CLIP1: variants seen among roughly 807,000 people sequenced by gnomAD.
CLIP1 encodes the protein CAP-Gly domain containing linker protein 1.
Under a neutral mutation model 161.6 loss-of-function variants are expected in CLIP1, and 66 were observed. The ratio of observed to expected loss-of-function variants is 0.41; its 90% CI spans 0.33 to 0.50. The LOEUF (loss-of-function observed/expected upper bound fraction) is 0.50. Ranked by LOEUF, CLIP1 falls within the 20% of genes least tolerant of loss-of-function variation. The pLI, the probability that CLIP1 is intolerant of heterozygous loss-of-function variation, is 0.27. For synonymous variants in CLIP1, 598 were observed against 626.2 expected (o/e 0.96, Z 0.67); for missense variants, 1,376 against 1,702.0 (o/e 0.81, Z 3.37).
intron 1 of CLIP1, 81 bp downstream of exon 1, chr12:122,422,440 G>A (rs1311000707): frequency 6.6e-6 from 1 of 151,580 alleles, no homozygotes; most frequent in Non-Finnish European, 1.5e-5. Flanking sequence ...CCGACCCTGG[G>A]CGGGCCCCGC....
intron 9 of CLIP1, among the ~76,000 whole-genome samples, chr12:122,348,303 C>G (rs1444400810): frequency 6.6e-6 from 1 of 152,130 alleles, no homozygotes. Context: ...TCTATAGTCT[C>G]CATCTCTGAA....
At position 122,294,442 on chromosome 12, in the gene CLIP1, G is replaced by A. The variant is rs141796499; in HGVS notation, c.3595-5901C>T. Among the ~76,000 whole-genome samples, 377 of 151,162 alleles carry A rather than the reference G, an allele frequency of 2.5e-3. 2 individuals carry two copies. The highest frequency in any genetic ancestry group is 1.4e-3 in the Non-Finnish European group (93 of 67,862). On this transcript the variant is annotated intron_variant, in intron 20 of 25. Transcript: ENST00000620786. The stretch of plus-strand genomic sequence containing the variant: ...GCTGATATACATAACAACATGGATA[G>A]ACCTCCAAAGGAATATGCTAAGTGA...
At chr12:122,275,644 G>GCGTGCA (rs773370301) in intron 24 of CLIP1, 2 of 147,538 alleles carry the variant, frequency 1.4e-5, no homozygotes, top group East Asian at 3.9e-4. Context: ...ACACACACGC[G>GCGTGCA]CACACACACA....
At chr12:122,300,357 G>C (rs919745168) in intron 20 of CLIP1, among the ~76,000 whole-genome samples, 1 of 150,842 alleles carries the variant, frequency 6.6e-6, no homozygotes, top group African/African-American at 2.4e-5. Flanking sequence ...ACAGAGAGGG[G>C]GAAAAAAGCA....
intron 21 of CLIP1, among the ~76,000 whole-genome samples, chr12:122,281,561 C>A (rs1245031060): frequency 2.6e-5 from 4 of 151,740 alleles, no homozygotes; most frequent in Non-Finnish European, 5.9e-5. Flanking sequence ...CTAGGCATGG[C>A]AGCGCATGCT....
chr12:122,362,691 A>T lies in CLIP1; in HGVS notation c.782+1292T>A, dbSNP rs28485674. Among the ~76,000 whole-genome samples the T allele has an allele frequency of 7.5e-5, 8 of 106,952 alleles. No individual in the cohort carries two copies. The South Asian group carries it at 1.0e-3, about 14-fold the overall frequency. 70.2% of individuals were successfully genotyped at this position (106,952 alleles called of 152,430 possible). On this transcript the variant is annotated intron_variant, in intron 4 of 25. Coordinates refer to ENST00000620786, the MANE Select transcript of CLIP1 (RefSeq NM_001247997.2). ...AAAAAGTTCATTGAAAATTTTTAAT[A>T]TCTGTTTCAATAAAAATATGATAAA...
chr12:122,275,642 G>GCA (rs1391112059), intron 24 of CLIP1: 4,861 of 110,014 alleles, frequency 0.044, 103 homozygotes, highest in Non-Finnish European at 0.063. Flanking sequence ...ACACACACAC[G>GCA]CGCACACACA....
At chr12:122,298,368 G>GGAGGCC (rs1391704737) in intron 20 of CLIP1, among the ~76,000 whole-genome samples, 3 of 152,094 alleles carry the variant, frequency 2.0e-5, no homozygotes, top group African/African-American at 7.2e-5. Flanking sequence ...CAGCACTTTG[G>GGAGGCC]GAGGCCGAGG....
chr12:122,333,562 C>T (rs1413237708), intron 14 of CLIP1, among the ~76,000 whole-genome samples: 3 of 152,138 alleles, frequency 2.0e-5, no homozygotes, highest in South Asian at 2.1e-4. Flanking sequence ...AGATGAAATC[C>T]GAGAGATAAT....
intron 1 of CLIP1, among the ~76,000 whole-genome samples, chr12:122,387,577 TATATATA>T (rs1332466478): frequency 2.4e-4 from 1 of 4,188 alleles, no homozygotes; most frequent in African/African-American, 4.4e-4. Context: ...TATATATATA[TATATATA>T]TATATATTTT....
chr12:122,312,980 G>A (rs141175128), intron 19 of CLIP1, among the ~76,000 whole-genome samples: 38 of 152,174 alleles, frequency 2.5e-4, no homozygotes, highest in Non-Finnish European at 2.2e-4. Flanking sequence ...GTTTTGAGAA[G>A]CACTGTTCCC....
At chr12:122,421,861 G>C (rs1188629444) in intron 1 of CLIP1, among the ~76,000 whole-genome samples, 2 of 152,306 alleles carry the variant, frequency 1.3e-5, no homozygotes, top group African/African-American at 4.8e-5. Flanking sequence ...TGCCTTCCGC[G>C]CCAATCCCCT....
At chr12:122,310,504 T>C (rs923737283) in intron 19 of CLIP1, among the ~76,000 whole-genome samples, 1 of 152,202 alleles carries the variant, frequency 6.6e-6, no homozygotes, top group Non-Finnish European at 1.5e-5. Flanking sequence ...TAATTTATAA[T>C]TGAAAGAAGC....
intron 12 of CLIP1, 69 bp from the exon 13 acceptor site, chr12:122,334,774 A>G (rs1408738841): frequency 1.1e-5 from 11 of 964,526 alleles, no homozygotes; most frequent in African/African-American, 1.6e-5. Context: ...GTTTCTATCA[A>G]TTATAACTAC....
At chr12:122,320,595 G>C (rs746229127) in intron 17 of CLIP1, among the ~76,000 whole-genome samples, 3 of 151,842 alleles carry the variant, frequency 2.0e-5, no homozygotes, top group Non-Finnish European at 4.4e-5. Flanking sequence ...GTGGCAGCAC[G>C]CACCTGTAGT....
chr12:122,278,910 G>A lies in CLIP1; in HGVS notation c.3798C>T (p.Ala1266=). ...VTVLRGENAS[A]KSLHSVVQTL... ...TCTGAACAACTGAATGCAAGGACTT[G>A]GCAGAGGCGTTTTCTCCCCTGAGCA... is the stretch of plus-strand genomic sequence containing the variant. Residue 1266 remains alanine, a synonymous_variant, in exon 23 of 26, where the codon GCC becomes GCT. Coordinates refer to ENST00000620786, the MANE Select transcript of CLIP1 (RefSeq NM_001247997.2). 1 of 1,612,188 alleles carries A rather than the reference G, an allele frequency of 6.2e-7. No individual in the cohort carries two copies. Among genetic ancestry groups the A allele is most frequent in the African/African-American group, 1.3e-5 (1 of 74,968 alleles).
chr12:122,366,850 A>G (rs1465335943), intron 3 of CLIP1, among the ~76,000 whole-genome samples: 1 of 152,206 alleles, frequency 6.6e-6, no homozygotes, highest in Non-Finnish European at 1.5e-5. Flanking sequence ...CAAAAAAAAG[A>G]GTACTAGTTC....
intron 21 of CLIP1, among the ~76,000 whole-genome samples, chr12:122,283,984 C>A (rs535441797): frequency 4.6e-5 from 7 of 152,192 alleles, no homozygotes; most frequent in South Asian, 2.1e-4. Context: ...ATATTAAGTT[C>A]TTTTTGGTAC....
chr12:122,380,115 C>T (rs180741557), intron 2 of CLIP1, among the ~76,000 whole-genome samples: 20 of 142,406 alleles, frequency 1.4e-4, no homozygotes, highest in African/African-American at 3.9e-4. Flanking sequence ...TGGTAGTATG[C>T]GCCTATATTC....
Sources: gnomAD v4.1 joint callset for allele counts (sites outside exome capture counted in the v4.1 genomes callset) on GRCh38, gnomAD v4.1.1 for gene constraint, MANE v1.5 for transcripts, NCBI Gene and HGNC (gene_info 2026-07-23, HGNC 2026-07-21) for gene names.